Variants in DPP10 observed in about 807,000 individuals in gnomAD.
DPP10 encodes the protein dipeptidyl peptidase like 10, also known as inactive dipeptidyl peptidase 10.
DPP10 carries 33 observed loss-of-function variants against 120.9 expected under a neutral mutation model. That is an observed-to-expected ratio of 0.27 (90% CI 0.21 to 0.37). The LOEUF is 0.37. DPP10 is among the 10% of genes least tolerant of loss of function. The pLI is 1.00. For synonymous variants in DPP10, 337 were observed against 326.1 expected (o/e 1.03, Z -0.36); for missense variants, 816 against 942.8 (o/e 0.87, Z 1.76).
intron 1 of DPP10, among the ~76,000 whole-genome samples, chr2:114,458,586 A>G (rs558880301): frequency 2.3e-4 from 35 of 152,328 alleles, no homozygotes; most frequent in African/African-American, 7.0e-4. Flanking sequence ...AACTGCCTCA[A>G]TTCATATTCC....
At chr2:114,677,418 C>G (rs148762923) in intron 1 of DPP10, among the ~76,000 whole-genome samples, 2 of 152,242 alleles carry the variant, frequency 1.3e-5, no homozygotes, top group East Asian at 3.9e-4. Flanking sequence ...AAATAAATGT[C>G]TCATTACTGG....
chr2:115,276,358 T>C (rs2105843822), intron 1 of DPP10, among the ~76,000 whole-genome samples: 1 of 152,298 alleles, frequency 6.6e-6, no homozygotes, highest in South Asian at 2.1e-4. Context: ...GAATATACTC[T>C]CTTTTCTGAC....
chr2:114,869,603 G>C (rs1690525212), intron 1 of DPP10, among the ~76,000 whole-genome samples: 1 of 152,158 alleles, frequency 6.6e-6, no homozygotes. Flanking sequence ...GAATCACGGG[G>C]CTAAAGCACT....
chr2:114,559,302 T>C (rs1688565319), intron 1 of DPP10, among the ~76,000 whole-genome samples: 1 of 152,096 alleles, frequency 6.6e-6, no homozygotes, highest in Non-Finnish European at 1.5e-5. Context: ...GGTCAGAACC[T>C]GAGAAGAGGC....
At chr2:114,785,928 A>C (rs961060560) in intron 1 of DPP10, among the ~76,000 whole-genome samples, 3 of 152,214 alleles carry the variant, frequency 2.0e-5, no homozygotes, top group Non-Finnish European at 2.9e-5. Flanking sequence ...GAAGGTAATC[A>C]CATTTTCTTT....
chr2:115,825,172 C>T (rs951129018), intron 21 of DPP10, among the ~76,000 whole-genome samples: 6 of 152,200 alleles, frequency 3.9e-5, no homozygotes, highest in African/African-American at 1.4e-4. Context: ...TAACTGAAAT[C>T]TCTTTGATTA....
chr2:115,464,588 A>G (rs777502383), intron 3 of DPP10, among the ~76,000 whole-genome samples: 18 of 152,118 alleles, frequency 1.2e-4, no homozygotes, highest in Admixed American at 2.6e-4. Context: ...AACTGTTTAC[A>G]CATGCTACTC....
chr2:115,537,422 CAA>C (rs2078917019), intron 5 of DPP10, among the ~76,000 whole-genome samples: 1 of 151,940 alleles, frequency 6.6e-6, no homozygotes, highest in African/African-American at 2.4e-5. Flanking sequence ...ATATATTTGG[CAA>C]ATATTAGGTT....
chr2:115,061,525 T>C (rs908116168), intron 1 of DPP10, among the ~76,000 whole-genome samples: 1 of 152,240 alleles, frequency 6.6e-6, no homozygotes, highest in Non-Finnish European at 1.5e-5. Context: ...ATTTGCAATT[T>C]GTAAACTTAC....
chr2:115,752,753 T>C (rs1678908400), intron 10 of DPP10, among the ~76,000 whole-genome samples: 1 of 152,150 alleles, frequency 6.6e-6, no homozygotes, highest in Non-Finnish European at 1.5e-5. Flanking sequence ...GATTCATTGA[T>C]TGTGATTTTA....
intron 1 of DPP10, among the ~76,000 whole-genome samples, chr2:114,581,659 C>T (rs1369083106): frequency 6.6e-6 from 1 of 152,116 alleles, no homozygotes; most frequent in African/African-American, 2.4e-5. Context: ...GAACTTAGGA[C>T]ATGTTAATTC....
At chr2:115,490,147 T>C (rs2076025049) in intron 3 of DPP10, among the ~76,000 whole-genome samples, 1 of 152,160 alleles carries the variant, frequency 6.6e-6, no homozygotes, top group East Asian at 1.9e-4. Flanking sequence ...ATTAGCCTGT[T>C]CTCATGGTGG....
chr2:114,885,821 C>G (rs184749955), intron 1 of DPP10, among the ~76,000 whole-genome samples: 2 of 152,162 alleles, frequency 1.3e-5, no homozygotes, highest in African/African-American at 4.8e-5. Flanking sequence ...TTCCTAGTTG[C>G]AATCCAAGTT....
At chr2:114,491,044 T>C (rs1027055288) in intron 1 of DPP10, among the ~76,000 whole-genome samples, 1 of 152,158 alleles carries the variant, frequency 6.6e-6, no homozygotes, top group East Asian at 1.9e-4. Flanking sequence ...TACCTCAAAA[T>C]TGTGTTCTTT....
intron 5 of DPP10, among the ~76,000 whole-genome samples, chr2:115,641,276 A>G (rs77478708): frequency 0.051 from 7,705 of 152,246 alleles, 296 homozygotes; most frequent in Non-Finnish European, 0.075. Flanking sequence ...TTTCCTTGCC[A>G]TAAGAGGAGA....
chr2:114,730,476 C>A (rs1226675945), intron 1 of DPP10, among the ~76,000 whole-genome samples: 2 of 152,158 alleles, frequency 1.3e-5, no homozygotes, highest in Non-Finnish European at 2.9e-5. Context: ...TTCATTTTTG[C>A]CTGGCATGCA....
intron 5 of DPP10, among the ~76,000 whole-genome samples, chr2:115,597,395 TA>T (rs1353424131): frequency 1.3e-5 from 2 of 151,894 alleles, no homozygotes; most frequent in Non-Finnish European, 2.9e-5. Context: ...GGATTAAAAA[TA>T]AATAAGAGAA....
At chr2:115,067,935 G>GT (rs376144856) in intron 1 of DPP10, among the ~76,000 whole-genome samples, 164 of 148,072 alleles carry the variant, frequency 1.1e-3, no homozygotes, top group African/African-American at 4.1e-3. Context: ...GGGGGTGTGT[G>GT]TTTTTGTGTC....
intron 8 of DPP10, among the ~76,000 whole-genome samples, chr2:115,735,436 T>G (rs2093013389): frequency 6.6e-6 from 1 of 152,108 alleles, no homozygotes; most frequent in South Asian, 2.1e-4. Flanking sequence ...TACTTTTACT[T>G]TCTGTCAGGA....
Sources: gnomAD v4.1 joint callset for allele counts (sites outside exome capture counted in the v4.1 genomes callset) on GRCh38, gnomAD v4.1.1 for gene constraint, MANE v1.5 for transcripts, NCBI Gene and HGNC (gene_info 2026-07-23, HGNC 2026-07-21) for gene names.